The following VOPP1 variants were observed in gnomAD, a reference collection of about 807,000 sequenced individuals.
The protein encoded by VOPP1 is VOPP1 WW domain binding protein, also known as WW domain binding protein VOPP1.
Under a neutral mutation model 23.5 loss-of-function variants are expected in VOPP1, and 8 were observed. The ratio of observed to expected loss-of-function variants is 0.34; its 90% CI spans 0.20 to 0.61. The LOEUF is 0.61. VOPP1 is among the 20% of genes least tolerant of loss of function. The pLI is 0.78. For missense variants in VOPP1, 174 were observed against 238.1 expected (o/e 0.73, Z 1.77); for synonymous variants, 83 against 97.3 (o/e 0.85, Z 0.86).
chr7:55,520,240 A>G (rs1220818655), intron 2 of VOPP1, among the ~76,000 whole-genome samples: 4 of 152,240 alleles, frequency 2.6e-5, no homozygotes, highest in African/African-American at 9.6e-5. Context: ...ATATGCTAGA[A>G]TATATAGTGT....
chr7:55,486,971 G>A (rs1477029212), intron 4 of VOPP1, among the ~76,000 whole-genome samples: 1 of 152,148 alleles, frequency 6.6e-6, no homozygotes, highest in South Asian at 2.1e-4. Flanking sequence ...AGCCCCAGGG[G>A]CTGGAGACCG....
chr7:55,496,242 C>A (rs1276611847), intron 3 of VOPP1, among the ~76,000 whole-genome samples: 1 of 152,234 alleles, frequency 6.6e-6, no homozygotes, highest in Non-Finnish European at 1.5e-5. Context: ...CAAGCCCGTT[C>A]ACAGTTCAGG....
chr7:55,460,692 C>G (rs1791477784), intron 4 of VOPP1, among the ~76,000 whole-genome samples: 1 of 152,162 alleles, frequency 6.6e-6, no homozygotes, highest in Non-Finnish European at 1.5e-5. Flanking sequence ...TAATATATCC[C>G]CTTGCTGAAT....
In VOPP1 at chr7:55,492,266, G is replaced by A; in HGVS notation, c.328+16C>T. 3.1e-6 allele frequency: 5 copies of A among 1,605,828 alleles called. No homozygotes were observed. Among genetic ancestry groups the A allele is most frequent in the Non-Finnish European group, 4.3e-6 (5 of 1,175,326 alleles). On this transcript the variant is annotated intron_variant, in intron 4 of 4. Transcript: ENST00000285279. ...ACACACTGTGGGGAGGAGAGACAAG[G>A]ACAGGGCTGGCTGACCTGGGCCGGG...
chr7:55,491,634 G>A (rs1268358996), intron 4 of VOPP1, among the ~76,000 whole-genome samples: 1 of 152,204 alleles, frequency 6.6e-6, no homozygotes, highest in African/African-American at 2.4e-5. Flanking sequence ...ACCCACCACA[G>A]TATGTAGGAG....
At chr7:55,499,542 G>A (rs926302997) in intron 2 of VOPP1, among the ~76,000 whole-genome samples, 1 of 152,232 alleles carries the variant, frequency 6.6e-6, no homozygotes, top group African/African-American at 2.4e-5. Flanking sequence ...CTAGAAGGGG[G>A]AGAAAATAGT....
chr7:55,486,465 G>T (rs1793150351), intron 4 of VOPP1, among the ~76,000 whole-genome samples: 1 of 152,314 alleles, frequency 6.6e-6, no homozygotes, highest in East Asian at 1.9e-4. Context: ...GCAGCACGGG[G>T]GCTGGAAAGA....
At chr7:55,452,183 T>A (rs1473963142) in intron 4 of VOPP1, among the ~76,000 whole-genome samples, 2 of 152,184 alleles carry the variant, frequency 1.3e-5, no homozygotes, top group Non-Finnish European at 2.9e-5. Flanking sequence ...AGGAGTAGAT[T>A]CCATTTCAAG....
chr7:55,495,378 T>G (rs1025735786), intron 3 of VOPP1, among the ~76,000 whole-genome samples: 1 of 152,212 alleles, frequency 6.6e-6, no homozygotes, highest in African/African-American at 2.4e-5. Context: ...CTTCAAACGT[T>G]GTGGGGCCCA....
rs368968837 is a variant in VOPP1, at chr7:55,492,470, G to T, written c.192-52C>A. On this transcript the variant is annotated intron_variant, in intron 3 of 4. Coordinates refer to ENST00000285279, the MANE Select transcript of VOPP1 (RefSeq NM_030796.5). ...GTGCTCCCAGGTGGGGGCCCTGAGG[G>T]CTTGGCCCTACAGCTCAAAGGCCTC... 9 of 1,551,732 alleles carry T rather than the reference G, an allele frequency of 5.8e-6. No individual in the cohort carries two copies. In the African/African-American group the frequency reaches 9.6e-5, roughly 17 times the overall value.
intron 4 of VOPP1, among the ~76,000 whole-genome samples, chr7:55,458,151 G>GT (rs1791413913): frequency 6.6e-6 from 1 of 152,148 alleles, no homozygotes; most frequent in Non-Finnish European, 1.5e-5. Flanking sequence ...TGAATATTCA[G>GT]TTTTCTCAGT....
intron 1 of VOPP1, among the ~76,000 whole-genome samples, chr7:55,539,154 G>A (rs1304534553): frequency 6.6e-6 from 1 of 152,054 alleles, no homozygotes. Context: ...GACCAGCCTG[G>A]GCAACATGGT....
chr7:55,455,839 C>T (rs1791352366), intron 4 of VOPP1, among the ~76,000 whole-genome samples: 2 of 152,136 alleles, frequency 1.3e-5, no homozygotes, highest in African/African-American at 2.4e-5. Context: ...AGACCTAAAA[C>T]CATAAAAACC....
chr7:55,489,470 G>A (rs1793401933), intron 4 of VOPP1, among the ~76,000 whole-genome samples: 1 of 152,162 alleles, frequency 6.6e-6, no homozygotes, highest in African/African-American at 2.4e-5. Context: ...CTACTTACAT[G>A]GTTTCCTAGC....
At chr7:55,464,225 T>C (rs945867925) in intron 4 of VOPP1, among the ~76,000 whole-genome samples, 3 of 152,156 alleles carry the variant, frequency 2.0e-5, no homozygotes, top group Admixed American at 2.0e-4. Context: ...GCTGATCCCA[T>C]GGTCACCTTA....
chr7:55,571,662 C>G (rs1562639865), intron 1 of VOPP1: 1 of 152,306 alleles, frequency 6.6e-6, no homozygotes, highest in Admixed American at 6.5e-5. Flanking sequence ...GGCTTCGGCT[C>G]CGCACCCCCA....
chr7:55,480,110 C>T (rs2129012499), intron 4 of VOPP1, among the ~76,000 whole-genome samples: 1 of 152,256 alleles, frequency 6.6e-6, no homozygotes, highest in East Asian at 1.9e-4. Context: ...TGTTTATTCC[C>T]AAGTTATACT....
At chr7:55,499,154 A>G (rs1343014389) in intron 2 of VOPP1, among the ~76,000 whole-genome samples, 1 of 152,004 alleles carries the variant, frequency 6.6e-6, no homozygotes, top group Admixed American at 6.6e-5. Context: ...TGAGTGCTCA[A>G]GAATGTTGCT....
chr7:55,499,925 G>A (rs774744006), intron 2 of VOPP1, among the ~76,000 whole-genome samples: 7 of 152,148 alleles, frequency 4.6e-5, no homozygotes, highest in Non-Finnish European at 8.8e-5. Flanking sequence ...CACTGGTGTC[G>A]GTTGATCAAT....
Sources: gnomAD v4.1 joint callset for allele counts (sites outside exome capture counted in the v4.1 genomes callset) on GRCh38, gnomAD v4.1.1 for gene constraint, MANE v1.5 for transcripts, NCBI Gene and HGNC (gene_info 2026-07-23, HGNC 2026-07-21) for gene names.